RBFOX1: variants seen among roughly 807,000 people sequenced by gnomAD.
RBFOX1 encodes the protein RNA binding protein fox-1 homolog 1.
Under a neutral mutation model 57.7 loss-of-function variants are expected in RBFOX1, and 8 were observed. The observed-to-expected ratio is 0.14, with a 90% CI of 0.08 to 0.25. The LOEUF (loss-of-function observed/expected upper bound fraction) is 0.25. Ranked by LOEUF, RBFOX1 falls within the 10% of genes least tolerant of loss-of-function variation. The pLI is 1.00. For missense variants in RBFOX1, 611 were observed against 548.5 expected (o/e 1.11, Z -1.14); for synonymous variants, 326 against 222.4 (o/e 1.47, Z -4.15).
chr16:7,696,600 C>T (rs1278860537), intron 14 of RBFOX1, among the ~76,000 whole-genome samples: 4 of 151,510 alleles, frequency 2.6e-5, no homozygotes, highest in Non-Finnish European at 5.9e-5. Context: ...CTGTTCTAAG[C>T]CCTGGGGACA....
chr16:6,655,233 G>A (rs913958907), intron 3 of RBFOX1, among the ~76,000 whole-genome samples: 1 of 151,158 alleles, frequency 6.6e-6, no homozygotes. Context: ...AATTAGCCGG[G>A]TGTGGTGGCA....
At chr16:6,264,202 C>G (rs1486344372) in intron 1 of RBFOX1, among the ~76,000 whole-genome samples, 2 of 152,136 alleles carry the variant, frequency 1.3e-5, no homozygotes, top group Admixed American at 1.3e-4. Context: ...GATAATCCAT[C>G]TGGATCACTT....
chr16:7,585,458 C>T (rs1250688703), intron 6 of RBFOX1, among the ~76,000 whole-genome samples: 1 of 152,166 alleles, frequency 6.6e-6, no homozygotes, highest in Non-Finnish European at 1.5e-5. Flanking sequence ...TCCATGTTCT[C>T]TTCTGAGTAT....
intron 3 of RBFOX1, among the ~76,000 whole-genome samples, chr16:6,930,111 G>A (rs529871977): frequency 5.9e-5 from 9 of 152,132 alleles, no homozygotes; most frequent in Non-Finnish European, 4.4e-5. Flanking sequence ...TGAATGTTGA[G>A]AAGCTCCATG....
chr16:5,744,295 C>T (rs1278832892), intron 3 of RBFOX1, among the ~76,000 whole-genome samples: 2 of 152,160 alleles, frequency 1.3e-5, no homozygotes, highest in African/African-American at 4.8e-5. Context: ...CCCGCAGCAC[C>T]TTGAACCCGT....
At chr16:6,025,721 T>A (rs936581679) in intron 1 of RBFOX1, among the ~76,000 whole-genome samples, 2 of 152,200 alleles carry the variant, frequency 1.3e-5, no homozygotes, top group Non-Finnish European at 2.9e-5. Flanking sequence ...CAAAGTGGGT[T>A]GCTTATGGAG....
chr16:6,905,248 A>G (rs1402652388), intron 3 of RBFOX1, among the ~76,000 whole-genome samples: 3 of 149,570 alleles, frequency 2.0e-5, no homozygotes, highest in Non-Finnish European at 4.5e-5. Context: ...GTAACTGTTT[A>G]AAAAAAAAAT....
chr16:6,556,655 C>T (rs1473277065), intron 2 of RBFOX1, among the ~76,000 whole-genome samples: 3 of 151,994 alleles, frequency 2.0e-5, no homozygotes, highest in African/African-American at 7.3e-5. Flanking sequence ...TGCCACAGTG[C>T]CATGGCCAAA....
intron 5 of RBFOX1, among the ~76,000 whole-genome samples, chr16:7,567,618 CCT>C (rs1567868776): frequency 1.4e-4 from 1 of 7,168 alleles, no homozygotes; most frequent in African/African-American, 3.2e-4. Flanking sequence ...TTTATATGGC[CCT>C]ATATATATAT....
chr16:6,188,059 T>TA (rs1048592043), intron 1 of RBFOX1, among the ~76,000 whole-genome samples: 14 of 152,264 alleles, frequency 9.2e-5, no homozygotes, highest in African/African-American at 3.1e-4. Context: ...GGATCCTCAC[T>TA]AATACCAAAA....
At chr16:7,006,375 G>C (rs569669762) in intron 3 of RBFOX1, among the ~76,000 whole-genome samples, 6 of 152,032 alleles carry the variant, frequency 3.9e-5, no homozygotes, top group Non-Finnish European at 7.4e-5. Flanking sequence ...GGATGGTCTC[G>C]ATTTTCTGAC....
intron 4 of RBFOX1, among the ~76,000 whole-genome samples, chr16:7,199,958 C>T (rs72636221): frequency 0.18 from 27,263 of 152,006 alleles, 2,640 homozygotes; most frequent in East Asian, 0.37. Context: ...GAACAAACAA[C>T]GTGTTGGGGA....
intron 3 of RBFOX1, among the ~76,000 whole-genome samples, chr16:6,890,061 G>C (rs145026537): frequency 6.6e-6 from 1 of 152,170 alleles, no homozygotes; most frequent in Non-Finnish European, 1.5e-5. Context: ...TGATTTTATA[G>C]ATTTTCTTTT....
rs35889519 is a variant in RBFOX1, at chr16:6,991,136, CAAAAAAAAAAAAA to C, written c.-15-60907_-15-60895del. On this transcript the variant is annotated intron_variant, in intron 3 of 15. Transcript: ENST00000550418. ...AGGCAACGTAATAAAATTGTCTCTC[CAAAAAAAAAAAAA>C]AAAAAAAAAAAAAGACACGGTGGCG... Among the ~76,000 whole-genome samples the C allele has an allele frequency of 9.3e-3, 494 of 53,078 alleles. 12 individuals carry two copies. Among genetic ancestry groups the C allele is most frequent in the African/African-American group, 0.033 (474 of 14,496 alleles). The allele number at this position is 53,078 out of a possible 152,430, so 34.8% of individuals were successfully genotyped here. A position where few individuals can be genotyped will look rare whatever the true frequency, so the allele number is the denominator to read the frequency against.
rs144535419 is a variant in RBFOX1 at position 7,106,566 on chromosome 16, T to C, written c.27+54468T>C. ...TAAACATTTGTGTTTTCTATGTGCT[T>C]AGGGACTTCTTTTTAATCTTTTAGA... is the stretch of plus-strand genomic sequence containing the variant. On this transcript the variant is annotated intron_variant, in intron 4 of 15. Transcript: ENST00000550418. 1.1e-4 allele frequency among the ~76,000 whole-genome samples: 17 copies of C among 152,268 alleles called. No individual in the cohort carries two copies. In the East Asian group the frequency reaches 2.9e-3, roughly 26 times the overall value.
chr16:6,503,523 T>C (rs12446557), intron 2 of RBFOX1, among the ~76,000 whole-genome samples: 35,290 of 152,180 alleles, frequency 0.23, 4,755 homozygotes, highest in Non-Finnish European at 0.3. Flanking sequence ...ACCACTGAAA[T>C]TGAATTGCCT....
intron 3 of RBFOX1, among the ~76,000 whole-genome samples, chr16:6,821,567 A>T (rs544295324): frequency 6.7e-4 from 102 of 152,152 alleles, no homozygotes; most frequent in African/African-American, 2.4e-3. Context: ...TCTCCCCCCA[A>T]CCGCTGGTAA....
intron 4 of RBFOX1, among the ~76,000 whole-genome samples, chr16:7,418,835 C>T (rs1206746484): frequency 6.6e-6 from 1 of 151,902 alleles, no homozygotes; most frequent in African/African-American, 2.4e-5. Context: ...TCTCTTCTCT[C>T]CTCTAAAGGA....
rs546704212 is a variant in RBFOX1 at position 5,283,985 on chromosome 16, T to C, written c.219+43880T>C. 8.5e-5 allele frequency among the ~76,000 whole-genome samples: 13 copies of C among 152,266 alleles called. 1 individual carries two copies. The East Asian group carries it at 2.5e-3, about 29-fold the overall frequency. ...CCAAATCTCATCTTGAATTCCCACA[T>C]GTTATTGGAGGGACCTAGTGGGAAG... On this transcript the variant is annotated intron_variant, in intron 1 of 2. Coordinates refer to the RBFOX1 transcript ENST00000585867.
Sources: gnomAD v4.1 joint callset for allele counts (sites outside exome capture counted in the v4.1 genomes callset) on GRCh38, gnomAD v4.1.1 for gene constraint, MANE v1.5 for transcripts, NCBI Gene and HGNC (gene_info 2026-07-23, HGNC 2026-07-21) for gene names.